IKZF3: variants seen among roughly 807,000 people sequenced by gnomAD.
The protein encoded by IKZF3 is IKAROS family zinc finger 3.
Under a neutral mutation model 49.0 loss-of-function variants are expected in IKZF3, and 10 were observed. The ratio of observed to expected loss-of-function variants is 0.20; its 90% CI spans 0.13 to 0.35. The LOEUF is 0.35. IKZF3 is among the 10% of genes least tolerant of loss of function. The pLI is 1.00. For synonymous variants in IKZF3, 209 were observed against 228.2 expected, an observed-to-expected ratio of 0.92 and a Z score of 0.76; for missense variants, 498 against 664.8, an observed-to-expected ratio of 0.75 and a Z score of 2.76.
intron 3 of IKZF3, among the ~76,000 whole-genome samples, chr17:39,807,813 T>C (rs1294981397): frequency 6.6e-6 from 1 of 152,158 alleles, no homozygotes; most frequent in South Asian, 2.1e-4. Context: ...ATTCCATTTA[T>C]ATGAAATACC....
intron 7 of IKZF3, among the ~76,000 whole-genome samples, chr17:39,769,272 C>CA (rs1333460400): frequency 2.0e-5 from 3 of 152,134 alleles, no homozygotes; most frequent in African/African-American, 7.2e-5. Flanking sequence ...GTTAACGTAA[C>CA]AGCAATGTGT....
intron 1 of IKZF3, chr17:39,836,027 C>T: frequency 1.6e-6 from 1 of 639,516 alleles, no homozygotes; most frequent in South Asian, 1.5e-5. Flanking sequence ...TCTTCTGCTG[C>T]CGCAGGAGGC....
In IKZF3 at chr17:39,765,968, A is replaced by G. The variant is rs370590943; in HGVS notation, c.1352T>C (p.Val451Ala). ...GACGCGGCAGTGGTCACACCGATAC[A>G]CATCCATCACCTCCCCTTCCTTGTT... ...VINKEGEVMD[V>A]YRCDHCRVLF... is the part of the protein sequence containing the mutation. Residue 451 changes from valine to alanine, a missense_variant, in exon 8 of 8, where the codon GTG (valine) becomes GCG (alanine). Val to Ala is a moderately conservative substitution (Grantham distance 64, BLOSUM62 0). This residue lies in a region of IKZF3 where 317 missense variants were observed against 397.3 expected (regional missense o/e 0.80). Transcript: ENST00000346872. The G allele has an allele frequency of 4.3e-6, 7 of 1,614,090 alleles. No homozygotes were observed. Among genetic ancestry groups the G allele is most frequent in the Non-Finnish European group, 5.1e-6 (6 of 1,180,012 alleles).
At chr17:39,853,063 T>C (rs1310776323) in intron 1 of IKZF3, among the ~76,000 whole-genome samples, 1 of 152,218 alleles carries the variant, frequency 6.6e-6, no homozygotes, top group Non-Finnish European at 1.5e-5. Flanking sequence ...GAGAGGTCCC[T>C]GACCCTGCCT....
chr17:39,773,543 A>G (rs2060497374), intron 7 of IKZF3, among the ~76,000 whole-genome samples: 1 of 152,234 alleles, frequency 6.6e-6, no homozygotes, highest in African/African-American at 2.4e-5. Context: ...CATGTTTACC[A>G]CAGGTGAGTG....
At chr17:39,829,839 C>G (rs2062061598) in intron 2 of IKZF3, among the ~76,000 whole-genome samples, 1 of 152,164 alleles carries the variant, frequency 6.6e-6, no homozygotes, top group South Asian at 2.1e-4. Context: ...GTAATCCCAG[C>G]TACTCGGGAG....
intron 7 of IKZF3, among the ~76,000 whole-genome samples, chr17:39,771,046 T>G: frequency 6.6e-6 from 1 of 152,218 alleles, no homozygotes; most frequent in Middle Eastern, 3.2e-3. Flanking sequence ...ACAGTTTGAT[T>G]CACTTTCCAA....
At chr17:39,814,215 G>A (rs2061627610) in intron 3 of IKZF3, among the ~76,000 whole-genome samples, 1 of 151,718 alleles carries the variant, frequency 6.6e-6, no homozygotes, top group Non-Finnish European at 1.5e-5. Context: ...TCTTATCTTT[G>A]ATCTAAGCAT....
chr17:39,786,713 C>G (rs965114286), intron 6 of IKZF3, among the ~76,000 whole-genome samples: 2 of 152,168 alleles, frequency 1.3e-5, no homozygotes, highest in African/African-American at 4.8e-5. Flanking sequence ...CTTGCCTCAG[C>G]CTCCTCAGCA....
intron 2 of IKZF3, among the ~76,000 whole-genome samples, chr17:39,831,179 C>G (rs1050301916): frequency 9.2e-5 from 14 of 152,084 alleles, no homozygotes; most frequent in African/African-American, 3.1e-4. Flanking sequence ...GTTGGGAGTT[C>G]GAGACCAGCC....
At chr17:39,823,892 G>A (rs1488681064) in intron 3 of IKZF3, among the ~76,000 whole-genome samples, 1 of 152,242 alleles carries the variant, frequency 6.6e-6, no homozygotes, top group Non-Finnish European at 1.5e-5. Flanking sequence ...ACCTCTGCTA[G>A]GGCAGTGCAG....
chr17:39,759,124 AAG>A lies in IKZF3; in HGVS notation c.*6664_*6665del, dbSNP rs982472208. 1 of 152,080 alleles carries A rather than the reference AAG, an allele frequency of 6.6e-6. No individual in the cohort carries two copies. The highest frequency in any genetic ancestry group is 6.6e-5 in the Admixed American group (1 of 15,266). The allele number at this position is 152,080 out of a possible 1,614,324, so 9.4% of individuals were successfully genotyped here. A position where few individuals can be genotyped will look rare whatever the true frequency, so the allele number is the denominator to read the frequency against. On this transcript the variant is annotated 3_prime_UTR_variant, in exon 8 of 8. Coordinates refer to ENST00000346872, the MANE Select transcript of IKZF3 (RefSeq NM_012481.5). ...CCCACAATTGTGATACAGTATTAAG[AAG>A]AAACTCAGGCCAGCCGCGGTGCCTC...
In IKZF3 at chr17:39,780,532, TA is replaced by T. The variant is rs562520793; in HGVS notation, c.710-2766del. ...TCTAAAGCCACCATGCCTGGCTAATTAAAAAAAAAAATTATTAGTCTCAATA... is the reference window on the plus strand; with the variant it reads ...TCTAAAGCCACCATGCCTGGCTAATTAAAAAAAAAATTATTAGTCTCAATA... On this transcript the variant is annotated intron_variant, in intron 6 of 7. Transcript: ENST00000346872. Among the ~76,000 whole-genome samples, 963 of 148,306 alleles carry T rather than the reference TA, an allele frequency of 6.5e-3. 8 individuals are homozygous for T. Among genetic ancestry groups the T allele is most frequent in the African/African-American group, 0.022 (877 of 40,556 alleles).
chr17:39,766,364 G>T lies in IKZF3; in HGVS notation c.956C>A (p.Ala319Asp). 6.2e-7 allele frequency: 1 copy of T among 1,614,202 alleles called. No individual in the cohort carries two copies. The highest frequency in any genetic ancestry group is 8.5e-7 in the Non-Finnish European group (1 of 1,180,030). Residue 319 changes from alanine to aspartate, a missense_variant, in exon 8 of 8, where the codon GCC (alanine) becomes GAC (aspartate). Physicochemically the swap from Ala to Asp is moderately radical, Grantham distance 126. Coordinates refer to ENST00000346872, the MANE Select transcript of IKZF3 (RefSeq NM_012481.5). ...NNAISYLGAE[A>D]LRPLVQTPPA... ...CGGTGTCTGGACCAAGGGGCGCAGG[G>T]CTTCGGCGCCAAGATAGCTGATGGC...
At chr17:39,845,091 T>C (rs1161014066) in intron 1 of IKZF3, among the ~76,000 whole-genome samples, 3 of 152,236 alleles carry the variant, frequency 2.0e-5, no homozygotes, top group Non-Finnish European at 4.4e-5. Context: ...TAGATGGTTT[T>C]GCAAACTATG....
rs566716134 is a variant in IKZF3, at chr17:39,805,933, A to T, written c.164-13000T>A. The stretch of plus-strand genomic sequence containing the variant: ...GATCACAGAGAGGTTTCTACTAACA[A>T]TATTCAAGTAATATTGGATGGGTAT... On this transcript the variant is annotated intron_variant, in intron 3 of 7. Coordinates refer to ENST00000346872, the MANE Select transcript of IKZF3 (RefSeq NM_012481.5). Among the ~76,000 whole-genome samples, 14 of 152,384 alleles carry T rather than the reference A, an allele frequency of 9.2e-5. No homozygotes were observed. The East Asian group carries it at 1.9e-3, about 21-fold the overall frequency.
chr17:39,814,954 C>G (rs138725682), intron 3 of IKZF3, among the ~76,000 whole-genome samples: 15 of 152,140 alleles, frequency 9.9e-5, no homozygotes, highest in Non-Finnish European at 2.2e-4. Flanking sequence ...TGATGGGTAT[C>G]GAGGTATCGT....
chr17:39,829,928 G>A (rs2062065331), intron 2 of IKZF3, among the ~76,000 whole-genome samples: 1 of 151,758 alleles, frequency 6.6e-6, no homozygotes, highest in Non-Finnish European at 1.5e-5. Context: ...CTCCAGCCTG[G>A]GTGACAGAGT....
chr17:39,864,035 G>T, intron 1 of IKZF3, 85 bp downstream of exon 1: 2 of 1,551,656 alleles, frequency 1.3e-6, no homozygotes, highest in South Asian at 1.1e-5. Context: ...AAGCAAAACT[G>T]AGATTCAGAA....
Sources: gnomAD v4.1 joint callset for allele counts (sites outside exome capture counted in the v4.1 genomes callset) on GRCh38, gnomAD v4.1.1 for gene constraint, gnomAD v4.1.1 regional missense constraint, MANE v1.5 for transcripts, NCBI Gene and HGNC (gene_info 2026-07-23, HGNC 2026-07-21) for gene names.